The following RIN2 variants were observed in gnomAD, a reference collection of about 807,000 sequenced individuals.
The protein encoded by RIN2 is Ras and Rab interactor 2, also known as RAB5 interacting protein 2.
A neutral mutation model predicts 78.0 loss-of-function variants in RIN2; 36 were observed. The ratio of observed to expected loss-of-function variants is 0.46; its 90% CI spans 0.35 to 0.61. The LOEUF is 0.61. Among genes scored for constraint, RIN2 ranks in the 20% least tolerant of loss-of-function variants. The pLI, the probability that RIN2 is intolerant of heterozygous loss-of-function variation, is 0.00. For synonymous variants in RIN2, 466 were observed against 466.8 expected, an observed-to-expected ratio of 1.00 and a Z score of 0.02; for missense variants, 1,087 against 1,159.7, an observed-to-expected ratio of 0.94 and a Z score of 0.91.
chr20:19,997,168 C>T (rs1197908904), intron 12 of RIN2, among the ~76,000 whole-genome samples: 2 of 152,128 alleles, frequency 1.3e-5, no homozygotes, highest in East Asian at 1.9e-4. Flanking sequence ...AGGAAACAGC[C>T]GCTGTGTTAC....
intron 4 of RIN2, among the ~76,000 whole-genome samples, chr20:19,953,432 C>CTTTTT (rs140948656): frequency 0.074 from 11,028 of 149,780 alleles, 644 homozygotes; most frequent in East Asian, 0.31. Flanking sequence ...CTGCACCTGG[C>CTTTTT]TTTTCTTTTC....
At position 19,823,595 on chromosome 20, in the gene RIN2, G is replaced by A. The variant is rs61729439; in HGVS notation, c.-37+23848G>A. ...AGTTCTCTGGCTAAGGATTGGTGCCGCATCTGTCGAGCAATGTTGACGATC... is the reference window on the plus strand; with the variant it reads ...AGTTCTCTGGCTAAGGATTGGTGCCACATCTGTCGAGCAATGTTGACGATC... On this transcript the variant is annotated intron_variant, in intron 2 of 12. Coordinates refer to ENST00000255006, the MANE Select transcript of RIN2 (RefSeq NM_018993.4). 3.7e-3 allele frequency: 5,659 copies of A among 1,521,960 alleles called. 168 individuals carry two copies. The African/African-American group carries it at 0.061, about 17-fold the overall frequency. 94.3% of individuals were successfully genotyped at this position (1,521,960 alleles called of 1,614,324 possible).
At chr20:19,833,647 A>T (rs187069088) in intron 2 of RIN2, among the ~76,000 whole-genome samples, 6 of 152,350 alleles carry the variant, frequency 3.9e-5, no homozygotes, top group Admixed American at 3.9e-4. Flanking sequence ...AGGTATCTCT[A>T]TATGAGTAGT....
chr20:19,790,216 A>G (rs1455771575), intron 1 of RIN2, among the ~76,000 whole-genome samples: 4 of 152,042 alleles, frequency 2.6e-5, no homozygotes, highest in Non-Finnish European at 4.4e-5. Context: ...ATCTCCCTAG[A>G]AACCTCAATT....
chr20:19,989,662 A>T (rs945882013), intron 9 of RIN2, among the ~76,000 whole-genome samples: 1 of 152,224 alleles, frequency 6.6e-6, no homozygotes, highest in Non-Finnish European at 1.5e-5. Context: ...TGTTAATTGG[A>T]TGACCAGTTG....
At chr20:19,873,014 G>C (rs2123379113) in intron 2 of RIN2, among the ~76,000 whole-genome samples, 1 of 151,562 alleles carries the variant, frequency 6.6e-6, no homozygotes, top group African/African-American at 2.4e-5. Context: ...AGTGAATGAG[G>C]GAAATGGTAA....
chr20:19,836,986 A>G (rs1243191662), intron 2 of RIN2, among the ~76,000 whole-genome samples: 1 of 152,170 alleles, frequency 6.6e-6, no homozygotes, highest in East Asian at 1.9e-4. Flanking sequence ...CCACTGCGCC[A>G]TTGTATTAAC....
At chr20:19,930,108 G>A (rs1023929378) in intron 3 of RIN2, among the ~76,000 whole-genome samples, 13 of 152,086 alleles carry the variant, frequency 8.5e-5, no homozygotes, top group Admixed American at 2.6e-4. Context: ...TGGGGGGGAT[G>A]CGAGGGACCA....
chr20:19,929,238 A>T (rs1183532983), intron 3 of RIN2, among the ~76,000 whole-genome samples: 4 of 152,234 alleles, frequency 2.6e-5, no homozygotes, highest in Non-Finnish European at 2.9e-5. Flanking sequence ...TGCTTGCAGG[A>T]ATTCTGCACA....
At chr20:19,830,863 T>C (rs952257575) in intron 2 of RIN2, among the ~76,000 whole-genome samples, 1 of 152,216 alleles carries the variant, frequency 6.6e-6, no homozygotes, top group Non-Finnish European at 1.5e-5. Flanking sequence ...CGATGACTGA[T>C]GCTGGTGGGG....
intron 2 of RIN2, among the ~76,000 whole-genome samples, chr20:19,833,335 A>G (rs981930581): frequency 1.3e-5 from 2 of 151,696 alleles, no homozygotes; most frequent in African/African-American, 4.8e-5. Flanking sequence ...CAGAACATGC[A>G]GGTTTGTTAC....
chr20:19,797,401 G>T (rs2035091392), intron 1 of RIN2, among the ~76,000 whole-genome samples: 1 of 152,080 alleles, frequency 6.6e-6, no homozygotes, highest in Non-Finnish European at 1.5e-5. Flanking sequence ...ATTTACAATT[G>T]TGCTTGGTTT....
At chr20:19,792,939 CTGTGTGTGTG>C (rs36049213) in intron 1 of RIN2, among the ~76,000 whole-genome samples, 2 of 147,146 alleles carry the variant, frequency 1.4e-5, no homozygotes. Flanking sequence ...TAAGCAGCCA[CTGTGTGTGTG>C]TGTGTGTGTG....
At chr20:19,965,652 C>G (rs1261723237) in intron 7 of RIN2, among the ~76,000 whole-genome samples, 1 of 152,216 alleles carries the variant, frequency 6.6e-6, no homozygotes, top group Non-Finnish European at 1.5e-5. Flanking sequence ...CACTCTGTCA[C>G]CCAGGCTGGA....
intron 1 of RIN2, among the ~76,000 whole-genome samples, chr20:19,782,690 T>A (rs1001437259): frequency 6.6e-6 from 1 of 152,136 alleles, no homozygotes; most frequent in Non-Finnish European, 1.5e-5. Context: ...GTGCATCTTC[T>A]CTTGTGTTCT....
chr20:19,802,441 C>G (rs987283812), intron 2 of RIN2, among the ~76,000 whole-genome samples: 1 of 150,220 alleles, frequency 6.7e-6, no homozygotes. Context: ...TCAAGATCAG[C>G]TTGGGCACTA....
chr20:19,906,121 C>T (rs1236821536), intron 3 of RIN2, among the ~76,000 whole-genome samples: 1 of 152,200 alleles, frequency 6.6e-6, no homozygotes, highest in Non-Finnish European at 1.5e-5. Flanking sequence ...TCCTGAACTG[C>T]ACTACTTGCC....
chr20:19,870,838 T>A (rs918901561), intron 2 of RIN2, among the ~76,000 whole-genome samples: 1 of 152,200 alleles, frequency 6.6e-6, no homozygotes, highest in Non-Finnish European at 1.5e-5. Context: ...TGCTGTGTTC[T>A]TCTAGGGCAT....
At chr20:19,830,787 G>C (rs993191283) in intron 2 of RIN2, among the ~76,000 whole-genome samples, 2 of 152,168 alleles carry the variant, frequency 1.3e-5, no homozygotes, top group African/African-American at 4.8e-5. Context: ...CCCCTGCAGG[G>C]GTACCTTGGC....
Sources: allele counts gnomAD v4.1 joint callset (sites outside exome capture counted in the v4.1 genomes callset), GRCh38; gene constraint gnomAD v4.1.1; transcripts MANE v1.5; gene names NCBI Gene and HGNC (gene_info 2026-07-23, HGNC 2026-07-21).